ADIPOR1: variants seen among roughly 807,000 people sequenced by gnomAD.
ADIPOR1 encodes adiponectin receptor protein 1.
A neutral mutation model predicts 37.5 loss-of-function variants in ADIPOR1; 15 were observed. That is an observed-to-expected ratio of 0.40 (90% CI 0.27 to 0.62). The LOEUF is 0.62. Ranked by LOEUF, ADIPOR1 falls within the 20% of genes least tolerant of loss-of-function variation. ADIPOR1 has a pLI of 0.42. For missense variants in ADIPOR1, 286 were observed against 478.0 expected, an observed-to-expected ratio of 0.60 and a Z score of 3.75; for synonymous variants, 173 against 173.2, an observed-to-expected ratio of 1.00 and a Z score of 0.01.
chr1:202,944,009 C>G, intron 5 of ADIPOR1, 64 bp from the exon 6 acceptor site: 1 of 1,429,030 alleles, frequency 7.0e-7, no homozygotes, highest in Non-Finnish European at 9.6e-7. Context: ...GCTCATTTAA[C>G]TAGCTCTTTC....
In ADIPOR1 at chr1:202,942,111, G is replaced by C; in HGVS notation, c.913C>G (p.Leu305Val). The C allele has an allele frequency of 6.2e-7, 1 of 1,614,204 alleles. No homozygotes were observed. The highest frequency in any genetic ancestry group is 8.5e-7 in the Non-Finnish European group (1 of 1,180,036). Residue 305 changes from leucine to valine, a missense_variant, in exon 7 of 8, where the codon CTC becomes GTC. By Grantham distance (32) the Leu-to-Val change is conservative. Transcript: ENST00000340990. ...TTVGQMGWFFLMAVMYITGAG... is the reference protein window; with the variant it reads ...TTVGQMGWFFVMAVMYITGAG... ...CCAGTGATGTACATCACAGCCATGA[G>C]GAAGAACCAGCCCATCTGGCCCACT...
intron 2 of ADIPOR1, among the ~76,000 whole-genome samples, chr1:202,950,107 C>A (rs559625772): frequency 7.2e-5 from 11 of 152,068 alleles, no homozygotes; most frequent in African/African-American, 2.7e-4. Flanking sequence ...GGATTACAGG[C>A]GACTGCCACC....
At chr1:202,955,492 GA>G (rs1654747659) in intron 1 of ADIPOR1, among the ~76,000 whole-genome samples, 1 of 151,956 alleles carries the variant, frequency 6.6e-6, no homozygotes, top group Non-Finnish European at 1.5e-5. Flanking sequence ...CCTGGCTGAA[GA>G]GGTGTTTTTG....
intron 3 of ADIPOR1, among the ~76,000 whole-genome samples, chr1:202,947,726 G>C (rs1654394160): frequency 6.6e-6 from 1 of 152,044 alleles, no homozygotes; most frequent in Non-Finnish European, 1.5e-5. Flanking sequence ...TAGAGTAGGG[G>C]TTCTTAATCT....
In ADIPOR1 at chr1:202,942,154, G is replaced by A. The variant is rs1330125232; in HGVS notation, c.870C>T (p.Gly290=). 6.2e-7 allele frequency: 1 copy of A among 1,614,154 alleles called. No homozygotes were observed. Among genetic ancestry groups the A allele is most frequent in the East Asian group, 2.2e-5 (1 of 44,880 alleles). ...VPTMHFTIAE[G]FVKATTVGQM... The stretch of plus-strand genomic sequence containing the variant: ...GGCCCACTGTGGTGGCCTTGACAAA[G>A]CCCTCAGCGATAGTAAAGTGCATGG... The change falls in exon 7 of 8, where the codon GGC becomes GGT. Residue 290 remains glycine (G), a synonymous_variant. Transcript: ENST00000340990.
intron 1 of ADIPOR1, among the ~76,000 whole-genome samples, chr1:202,952,641 C>T (rs934956996): frequency 7.2e-5 from 11 of 152,154 alleles, no homozygotes; most frequent in South Asian, 4.1e-4. Flanking sequence ...CTTGGGATTC[C>T]GGGACGTGCA....
At chr1:202,945,834 A>G (rs771509502) in intron 4 of ADIPOR1, among the ~76,000 whole-genome samples, 5 of 152,184 alleles carry the variant, frequency 3.3e-5, no homozygotes, top group Non-Finnish European at 7.4e-5. Flanking sequence ...GGCATATAGA[A>G]TGATATAATG....
In ADIPOR1 at chr1:202,946,623, C is replaced by T; in HGVS notation, c.259-13G>A. On this transcript the variant is annotated splice_polypyrimidine_tract_variant and intron_variant, in intron 3 of 7. Coordinates refer to ENST00000340990, the MANE Select transcript of ADIPOR1 (RefSeq NM_015999.6). ...GTCCCTCCCAGACCTAGAACATATA[C>T]ACTTTCTCTGGGTAGGGCACTAGAT... 4 of 1,613,818 alleles carry T rather than the reference C, an allele frequency of 2.5e-6. No individual in the cohort carries two copies. The highest frequency in any genetic ancestry group is 2.5e-6 in the Non-Finnish European group (3 of 1,179,920).
chr1:202,951,340 C>T (rs970359494), intron 1 of ADIPOR1, among the ~76,000 whole-genome samples, 176 bp from the exon 2 acceptor site: 6 of 152,152 alleles, frequency 3.9e-5, no homozygotes, highest in African/African-American at 1.4e-4. Context: ...TCAACCTTTA[C>T]CCAGAACCTC....
rs200601546 is a variant in ADIPOR1, at chr1:202,951,116, T to G, written c.-46A>C. On this transcript the variant is annotated 5_prime_UTR_variant, in exon 2 of 8. Transcript: ENST00000340990. ...CTGCAGCTTCAGCTTGGGGAAAGGT[T>G]GGGGTCTCTCAGCCCCAGGGGGCAG... 1.6e-5 allele frequency: 25 copies of G among 1,611,532 alleles called. No homozygotes were observed. The East Asian group carries it at 5.6e-4, about 36-fold the overall frequency.
At chr1:202,945,312 C>T (rs550257195) in intron 4 of ADIPOR1, 143 bp from the exon 5 acceptor site, 597 of 827,942 alleles carry the variant, frequency 7.2e-4, no homozygotes, top group South Asian at 1.7e-3. Context: ...TGAAATACCA[C>T]CTTACTTCTG....
At chr1:202,951,916 C>T (rs939698817) in intron 1 of ADIPOR1, among the ~76,000 whole-genome samples, 3 of 152,206 alleles carry the variant, frequency 2.0e-5, no homozygotes, top group African/African-American at 7.2e-5. Context: ...TCCACAATAA[C>T]TTGTTTCAAC....
chr1:202,948,647 T>C (rs1654429912), intron 2 of ADIPOR1, among the ~76,000 whole-genome samples: 1 of 152,184 alleles, frequency 6.6e-6, no homozygotes, highest in Non-Finnish European at 1.5e-5. Flanking sequence ...ATGCAGTGCG[T>C]AAAAGAAGGA....
Position 202,941,263 on chromosome 1 carries a change from CA to C in ADIPOR1, c.*309del, listed in dbSNP as rs1195539520. The C allele has an allele frequency of 5.0e-6, 1 of 198,572 alleles. No homozygotes were observed. Among genetic ancestry groups the C allele is most frequent in the African/African-American group, 2.3e-5 (1 of 43,178 alleles). The allele number at this position is 198,572 out of a possible 1,614,324, so 12.3% of individuals were successfully genotyped here. ...GAAGAGTCCCAGTCCATAATTTTCCCAAAATGGTTGGAGGAGAGGGTAAAAT... is the reference window on the plus strand; with the variant it reads ...GAAGAGTCCCAGTCCATAATTTTCCCAAATGGTTGGAGGAGAGGGTAAAAT... On this transcript the variant is annotated 3_prime_UTR_variant, in exon 8 of 8. Coordinates refer to ENST00000340990, the MANE Select transcript of ADIPOR1 (RefSeq NM_015999.6).
intron 1 of ADIPOR1, among the ~76,000 whole-genome samples, chr1:202,953,325 G>C (rs1654654429): frequency 6.6e-6 from 1 of 151,752 alleles, no homozygotes; most frequent in Non-Finnish European, 1.5e-5. Flanking sequence ...TGAAAAGAGG[G>C]GCACACTTAG....
chr1:202,951,224 A>G, intron 1 of ADIPOR1, 60 bp from the exon 2 acceptor site: 1 of 801,914 alleles, frequency 1.2e-6, no homozygotes. Context: ...TTTCATTTCT[A>G]TACTCTAATA....
intron 1 of ADIPOR1, among the ~76,000 whole-genome samples, chr1:202,955,554 G>C (rs1253208469): frequency 6.6e-6 from 1 of 151,808 alleles, no homozygotes; most frequent in Non-Finnish European, 1.5e-5. Context: ...AAAAAAAAGT[G>C]AACAGTATAC....
intron 1 of ADIPOR1, among the ~76,000 whole-genome samples, chr1:202,953,710 T>C (rs1318398306): frequency 1.4e-5 from 2 of 139,658 alleles, no homozygotes; most frequent in Non-Finnish European, 3.1e-5. Context: ...CTGTGCAAAA[T>C]ACAAGTTGAA....
chr1:202,941,831 A>T (rs1380650173), intron 7 of ADIPOR1, 130 bp from the exon 8 acceptor site: 1 of 1,318,000 alleles, frequency 7.6e-7, no homozygotes, highest in East Asian at 2.4e-5. Flanking sequence ...AAAGTGGTAT[A>T]TTTAGAAAGT....
Sources: gnomAD v4.1 joint callset for allele counts (sites outside exome capture counted in the v4.1 genomes callset) on GRCh38, gnomAD v4.1.1 for gene constraint, MANE v1.5 for transcripts, NCBI Gene and HGNC (gene_info 2026-07-23, HGNC 2026-07-21) for gene names.